The following RBFOX1 variants were observed in gnomAD, a reference collection of about 807,000 sequenced individuals.
RBFOX1 encodes RNA binding fox-1 homolog 1, also known as RNA binding protein fox-1 homolog 1.
A neutral mutation model predicts 57.7 loss-of-function variants in RBFOX1; 8 were observed. That is an observed-to-expected ratio of 0.14 (90% CI 0.08 to 0.25). The LOEUF (loss-of-function observed/expected upper bound fraction) is 0.25, where lower values mean the gene tolerates loss of function less well. Among genes scored for constraint, RBFOX1 ranks in the 10% least tolerant of loss-of-function variants. The pLI is 1.00. For synonymous variants in RBFOX1, 326 were observed against 222.4 expected (o/e 1.47, Z -4.15); for missense variants, 611 against 548.5 (o/e 1.11, Z -1.14).
chr16:7,039,817 ACATGAGACCC>A (rs1476875088), intron 3 of RBFOX1, among the ~76,000 whole-genome samples: 5 of 152,286 alleles, frequency 3.3e-5, no homozygotes, highest in Admixed American at 3.3e-4. Context: ...TAAACATTAC[ACATGAGACCC>A]TAGAAGCAGA....
chr16:5,425,892 C>T (rs747165403), intron 1 of RBFOX1, among the ~76,000 whole-genome samples: 108 of 152,304 alleles, frequency 7.1e-4, no homozygotes, highest in Non-Finnish European at 1.1e-3. Context: ...ACGTCAAATC[C>T]TATGTCTGCA....
At chr16:6,727,670 G>T (rs976913955) in intron 3 of RBFOX1, among the ~76,000 whole-genome samples, 1 of 152,072 alleles carries the variant, frequency 6.6e-6, no homozygotes, top group Admixed American at 6.5e-5. Flanking sequence ...TAGAAATGAG[G>T]AATGTGTCTA....
chr16:6,768,811 C>G (rs1467669232), intron 3 of RBFOX1, among the ~76,000 whole-genome samples: 1 of 151,536 alleles, frequency 6.6e-6, no homozygotes, highest in Non-Finnish European at 1.5e-5. Context: ...TCACTGCAAC[C>G]TCTGTCTGCA....
chr16:6,082,915 C>T (rs1044851536), intron 1 of RBFOX1, among the ~76,000 whole-genome samples: 5 of 152,180 alleles, frequency 3.3e-5, no homozygotes, highest in Admixed American at 6.5e-5. Context: ...CACCCCTGCT[C>T]TACAGACTCA....
chr16:7,448,422 G>A (rs1289425471), intron 4 of RBFOX1, among the ~76,000 whole-genome samples: 1 of 152,198 alleles, frequency 6.6e-6, no homozygotes, highest in African/African-American at 2.4e-5. Flanking sequence ...CAAAGGAGGT[G>A]CAAAGACACG....
chr16:7,403,754 C>T (rs1444418153), intron 4 of RBFOX1, among the ~76,000 whole-genome samples: 1 of 152,050 alleles, frequency 6.6e-6, no homozygotes, highest in Admixed American at 6.5e-5. Flanking sequence ...CCATGTTGGC[C>T]AGGTTGGTCT....
intron 3 of RBFOX1, among the ~76,000 whole-genome samples, chr16:6,896,825 TAGAA>T (rs1393805024): frequency 6.6e-6 from 1 of 152,080 alleles, no homozygotes; most frequent in East Asian, 1.9e-4. Context: ...GTTTATAGGA[TAGAA>T]AGAAGATTGC....
At chr16:6,428,911 A>T (rs1283735485) in intron 2 of RBFOX1, among the ~76,000 whole-genome samples, 1 of 152,056 alleles carries the variant, frequency 6.6e-6, no homozygotes, top group East Asian at 1.9e-4. Flanking sequence ...ATCGTGTAGG[A>T]AGTAGTAAAG....
intron 4 of RBFOX1, among the ~76,000 whole-genome samples, chr16:7,193,954 CTT>C (rs34745623): frequency 2.9e-4 from 43 of 146,224 alleles, no homozygotes; most frequent in Middle Eastern, 3.6e-3. Context: ...CTCTAGCTAT[CTT>C]TTTTTTTTTT....
intron 2 of RBFOX1, among the ~76,000 whole-genome samples, chr16:6,579,257 G>T (rs1038887398): frequency 6.6e-6 from 1 of 152,128 alleles, no homozygotes; most frequent in African/African-American, 2.4e-5. Context: ...AGGCTGGAGT[G>T]TAGTGGTTCA....
rs144173911 is a variant in RBFOX1, at chr16:7,347,037, C to T, written c.28-171110C>T. 4.4e-4 allele frequency among the ~76,000 whole-genome samples: 67 copies of T among 152,296 alleles called. No individual in the cohort carries two copies. The East Asian group carries it at 0.011, about 26-fold the overall frequency. On this transcript the variant is annotated intron_variant, in intron 4 of 15. Transcript: ENST00000550418. ...GCCAAGGAAAGCACAAGAGGTAAGA[C>T]AGGCCTAGTGATCTCAGCAGGCAGA...
At chr16:6,833,920 A>T (rs2092899725) in intron 3 of RBFOX1, among the ~76,000 whole-genome samples, 1 of 152,064 alleles carries the variant, frequency 6.6e-6, no homozygotes, top group Non-Finnish European at 1.5e-5. Flanking sequence ...CAATCCACAG[A>T]TGAGTGTGTC....
At chr16:5,408,594 A>G (rs940303381) in intron 1 of RBFOX1, among the ~76,000 whole-genome samples, 3 of 152,148 alleles carry the variant, frequency 2.0e-5, no homozygotes, top group African/African-American at 7.2e-5. Flanking sequence ...TGGCTGCTGT[A>G]TTAGGCCGTT....
In RBFOX1 at chr16:6,648,341, A is replaced by T. The variant is rs144088233; in HGVS notation, c.-63-6262A>T. On this transcript the variant is annotated intron_variant, in intron 2 of 15. Coordinates refer to ENST00000550418, the MANE Select transcript of RBFOX1 (RefSeq NM_018723.4). ...CTCCCAAAGTGCTGGGATTATAGGC[A>T]TGATGCATTTTAACTGGCTCCCAGG... Among the ~76,000 whole-genome samples, 924 of 152,112 alleles carry T rather than the reference A, an allele frequency of 6.1e-3. 5 individuals carry two copies. The highest frequency in any genetic ancestry group is 1.0e-2 in the Non-Finnish European group (679 of 68,002).
At chr16:7,228,535 G>T (rs979712969) in intron 4 of RBFOX1, among the ~76,000 whole-genome samples, 2 of 152,164 alleles carry the variant, frequency 1.3e-5, no homozygotes, top group African/African-American at 4.8e-5. Flanking sequence ...AAATTTTACA[G>T]ATTGGGAAAC....
intron 1 of RBFOX1, among the ~76,000 whole-genome samples, chr16:6,182,013 G>A (rs1027640096): frequency 6.6e-6 from 1 of 152,142 alleles, no homozygotes; most frequent in East Asian, 1.9e-4. Context: ...ATTAGCCAGA[G>A]TTCAGTCACA....
chr16:5,836,728 C>A (rs866410176), intron 3 of RBFOX1, among the ~76,000 whole-genome samples: 1 of 152,170 alleles, frequency 6.6e-6, no homozygotes, highest in Non-Finnish European at 1.5e-5. Flanking sequence ...CTGGCCTCTA[C>A]CCACTAGATG....
intron 1 of RBFOX1, among the ~76,000 whole-genome samples, chr16:6,171,216 A>G (rs556737337): frequency 6.6e-6 from 1 of 152,184 alleles, no homozygotes; most frequent in Non-Finnish European, 1.5e-5. Flanking sequence ...AACAGGTAAA[A>G]CATATGTGGG....
intron 6 of RBFOX1, among the ~76,000 whole-genome samples, chr16:7,580,775 G>T (rs2093699049): frequency 6.6e-6 from 1 of 152,158 alleles, no homozygotes; most frequent in Non-Finnish European, 1.5e-5. Context: ...CTGTGACAGG[G>T]CTTGGATATC....
Sources: gnomAD v4.1 joint callset for allele counts (sites outside exome capture counted in the v4.1 genomes callset) on GRCh38, gnomAD v4.1.1 for gene constraint, MANE v1.5 for transcripts, NCBI Gene and HGNC (gene_info 2026-07-23, HGNC 2026-07-21) for gene names.